Variants in SUSD4 observed in about 807,000 individuals in gnomAD.
SUSD4 encodes sushi domain containing 4.
SUSD4 carries 41 observed loss-of-function variants against 50.5 expected under a neutral mutation model. The ratio of observed to expected loss-of-function variants is 0.81; its 90% CI spans 0.63 to 1.05. The LOEUF is 1.05. Ranked by LOEUF, SUSD4 falls within the 50% of genes least tolerant of loss-of-function variation. The pLI, the probability that SUSD4 is intolerant of heterozygous loss-of-function variation, is 0.00. For missense variants in SUSD4, 580 were observed against 634.7 expected, an observed-to-expected ratio of 0.91 and a Z score of 0.93; for synonymous variants, 257 against 257.3, an observed-to-expected ratio of 1.00 and a Z score of 0.01.
At chr1:223,297,951 T>G (rs1664939173) in intron 2 of SUSD4, among the ~76,000 whole-genome samples, 2 of 151,274 alleles carry the variant, frequency 1.3e-5, no homozygotes, top group Admixed American at 1.3e-4. Context: ...GATGGGTAAA[T>G]GGACAGATGA....
chr1:223,265,616 T>C (rs1289244610), intron 4 of SUSD4, among the ~76,000 whole-genome samples: 1 of 152,204 alleles, frequency 6.6e-6, no homozygotes. Flanking sequence ...GAGCACAGCA[T>C]GCTGTGTGCA....
chr1:223,234,869 GGT>G (rs1660108479), intron 5 of SUSD4: 3 of 1,463,598 alleles, frequency 2.0e-6, no homozygotes, highest in Non-Finnish European at 2.7e-6. Context: ...TGCACTAACA[GGT>G]GTGCAGATCA....
At chr1:223,304,574 A>G (rs922806106) in intron 2 of SUSD4, among the ~76,000 whole-genome samples, 1 of 151,754 alleles carries the variant, frequency 6.6e-6, no homozygotes, top group Non-Finnish European at 1.5e-5. Context: ...TTTGCAATGT[A>G]TATTCCAGTG....
At chr1:223,287,640 G>A (rs911031893) in intron 3 of SUSD4, among the ~76,000 whole-genome samples, 3 of 152,106 alleles carry the variant, frequency 2.0e-5, no homozygotes, top group Non-Finnish European at 4.4e-5. Context: ...GCTTGTTTAA[G>A]ACTCTCACTT....
intron 5 of SUSD4, among the ~76,000 whole-genome samples, chr1:223,245,851 G>A (rs1242283829): frequency 2.0e-5 from 3 of 152,192 alleles, no homozygotes; most frequent in Admixed American, 6.5e-5. Context: ...GAAAAAGAAG[G>A]ATAACTCCCA....
At chr1:223,267,335 G>T (rs557559420) in intron 4 of SUSD4, among the ~76,000 whole-genome samples, 4 of 152,294 alleles carry the variant, frequency 2.6e-5, no homozygotes, top group African/African-American at 9.6e-5. Flanking sequence ...GTGGAAAACA[G>T]GAAGGGAAGA....
intron 7 of SUSD4, among the ~76,000 whole-genome samples, chr1:223,226,493 G>A (rs894303407): frequency 2.6e-5 from 4 of 152,214 alleles, no homozygotes; most frequent in African/African-American, 9.6e-5. Context: ...CGCCCTGTGA[G>A]GTGTGAGGTT....
chr1:223,279,644 A>G (rs1295786494), intron 3 of SUSD4, among the ~76,000 whole-genome samples: 4 of 152,230 alleles, frequency 2.6e-5, no homozygotes, highest in Admixed American at 2.6e-4. Context: ...GGAGAATGGA[A>G]CCAAGTTGGA....
chr1:223,246,625 C>T (rs851207), intron 5 of SUSD4, among the ~76,000 whole-genome samples: 45,335 of 151,706 alleles, frequency 0.3, 7,330 homozygotes, highest in Non-Finnish European at 0.38. Context: ...CTCTGACAGG[C>T]GTAGGAGGGG....
intron 5 of SUSD4, among the ~76,000 whole-genome samples, chr1:223,243,046 A>T (rs573048819): frequency 6.6e-6 from 1 of 152,146 alleles, no homozygotes; most frequent in South Asian, 2.1e-4. Flanking sequence ...TGTGAGCTGG[A>T]AAAGTGTCCC....
At chr1:223,295,357 C>T (rs780299689) in intron 2 of SUSD4, among the ~76,000 whole-genome samples, 1 of 152,182 alleles carries the variant, frequency 6.6e-6, no homozygotes, top group Non-Finnish European at 1.5e-5. Context: ...GTAATCTGGA[C>T]GTTTCTGGCT....
intron 3 of SUSD4, among the ~76,000 whole-genome samples, chr1:223,269,066 G>GAAC (rs1662728812): frequency 6.6e-6 from 1 of 152,226 alleles, no homozygotes; most frequent in African/African-American, 2.4e-5. Context: ...AGAACACAGT[G>GAAC]TGGCCTGATG....
intron 2 of SUSD4, among the ~76,000 whole-genome samples, chr1:223,319,865 G>A (rs537017785): frequency 6.6e-6 from 1 of 152,346 alleles, no homozygotes; most frequent in African/African-American, 2.4e-5. Context: ...CTATTGGTAG[G>A]AGGGGTGGAT....
chr1:223,259,215 G>A (rs1035039900), intron 5 of SUSD4, among the ~76,000 whole-genome samples: 21 of 152,172 alleles, frequency 1.4e-4, no homozygotes, highest in Non-Finnish European at 2.1e-4. Context: ...AGGCACTTAC[G>A]TGAAATAGCA....
At chr1:223,241,637 T>C (rs1249924946) in intron 5 of SUSD4, among the ~76,000 whole-genome samples, 1 of 152,204 alleles carries the variant, frequency 6.6e-6, no homozygotes, top group African/African-American at 2.4e-5. Flanking sequence ...TCCGAACTCC[T>C]TACACGCAGA....
chr1:223,358,257 T>C (rs1013190540), intron 2 of SUSD4, among the ~76,000 whole-genome samples: 1 of 150,546 alleles, frequency 6.6e-6, no homozygotes, highest in Admixed American at 6.6e-5. Context: ...GATGGATGGA[T>C]GGATGGATGG....
chr1:223,363,595 C>G lies in SUSD4; in HGVS notation c.-35-135G>C, dbSNP rs1289547755. 2.8e-6 allele frequency: 3 copies of G among 1,072,108 alleles called. No homozygotes were observed. The African/African-American group carries it at 4.8e-5, about 17-fold the overall frequency. 66.4% of individuals were successfully genotyped at this position (1,072,108 alleles called of 1,614,324 possible). On this transcript the variant is annotated intron_variant, in intron 1 of 8. Transcript: ENST00000366878. ...TGGTTCCTCCCCCGCGCGGCCCCCG[C>G]CCCCTTTCCCACGGCGAGGTCCCCC...
chr1:223,287,056 G>A (rs756332298), intron 3 of SUSD4, among the ~76,000 whole-genome samples: 5 of 152,306 alleles, frequency 3.3e-5, no homozygotes, highest in African/African-American at 4.8e-5. Flanking sequence ...GGATGGGCTC[G>A]ACTTACAGAG....
intron 5 of SUSD4, among the ~76,000 whole-genome samples, chr1:223,257,608 T>C (rs966516869): frequency 7.2e-5 from 11 of 152,378 alleles, no homozygotes; most frequent in African/African-American, 2.6e-4. Context: ...CTCTGTATTC[T>C]ATGACCAGTA....
Sources: allele counts gnomAD v4.1 joint callset (sites outside exome capture counted in the v4.1 genomes callset), GRCh38; gene constraint gnomAD v4.1.1; transcripts MANE v1.5; gene names NCBI Gene and HGNC (gene_info 2026-07-23, HGNC 2026-07-21).